Variants in ZNRF2 observed in about 807,000 individuals in gnomAD.
ZNRF2 encodes E3 ubiquitin-protein ligase ZNRF2.
In ZNRF2, 16 loss-of-function variants were observed where a neutral mutation model predicts 20.4. The observed-to-expected ratio is 0.79, with a 90% CI of 0.53 to 1.19. The LOEUF is 1.19. ZNRF2 is among the 50% of genes most tolerant of loss of function. ZNRF2 has a pLI of 0.00. For missense variants in ZNRF2, 363 were observed against 332.4 expected (o/e 1.09, Z -0.72); for synonymous variants, 178 against 144.9 (o/e 1.23, Z -1.64).
intron 2 of ZNRF2, among the ~76,000 whole-genome samples, chr7:30,330,091 A>T (rs1799614668): frequency 6.6e-6 from 1 of 152,186 alleles, no homozygotes; most frequent in South Asian, 2.1e-4. Context: ...ATTATGGTAT[A>T]CTTTATACCA....
At chr7:30,320,729 A>G (rs1449786497) in intron 1 of ZNRF2, among the ~76,000 whole-genome samples, 1 of 152,224 alleles carries the variant, frequency 6.6e-6, no homozygotes, top group Non-Finnish European at 1.5e-5. Context: ...TCAATTTACC[A>G]TCCTAAGTCA....
rs766041813 is a variant in ZNRF2 at position 30,322,563 on chromosome 7, C to T, written c.470-1079C>T. On this transcript the variant is annotated intron_variant, in intron 1 of 4. Transcript: ENST00000323037. Reference sequence around the variant, plus strand: ...TCGTAAGTTCAGCTTACACCTGAGCCGTCATGGACACCACTGTCTCTCTTT... The same window carrying T: ...TCGTAAGTTCAGCTTACACCTGAGCTGTCATGGACACCACTGTCTCTCTTT... Among the ~76,000 whole-genome samples the T allele has an allele frequency of 4.7e-4, 71 of 152,226 alleles. No individual in the cohort carries two copies. In the Middle Eastern group the frequency reaches 0.017, roughly 36 times the overall value.
intron 1 of ZNRF2, among the ~76,000 whole-genome samples, chr7:30,308,671 A>G (rs1383877913): frequency 6.6e-6 from 1 of 152,102 alleles, no homozygotes; most frequent in Non-Finnish European, 1.5e-5. Context: ...AGTGTTTTCC[A>G]CTGTGGTTAT....
At chr7:30,301,699 TTAAAAAAAAAAA>T in intron 1 of ZNRF2, among the ~76,000 whole-genome samples, 1 of 126,366 alleles carries the variant, frequency 7.9e-6, no homozygotes, top group East Asian at 2.1e-4. Flanking sequence ...GAGGCTTTTT[TTAAAAAAAAAAA>T]AAAAAAAAAA....
intron 1 of ZNRF2, among the ~76,000 whole-genome samples, chr7:30,304,472 T>C (rs1799169558): frequency 6.6e-6 from 1 of 152,160 alleles, no homozygotes; most frequent in South Asian, 2.1e-4. Context: ...GTAAATGATA[T>C]TAGTGTAAAT....
intron 1 of ZNRF2, among the ~76,000 whole-genome samples, chr7:30,320,009 T>C (rs1799442227): frequency 6.6e-6 from 1 of 152,196 alleles, no homozygotes. Context: ...TTAAATAGAA[T>C]CGTGCATGTG....
chr7:30,312,496 G>A (rs1799306453), intron 1 of ZNRF2, among the ~76,000 whole-genome samples: 1 of 152,114 alleles, frequency 6.6e-6, no homozygotes, highest in Admixed American at 6.6e-5. Context: ...GGAGAAAATT[G>A]TGAAGACAGA....
chr7:30,303,365 T>A (rs1168695257), intron 1 of ZNRF2, among the ~76,000 whole-genome samples: 1 of 152,212 alleles, frequency 6.6e-6, no homozygotes, highest in African/African-American at 2.4e-5. Flanking sequence ...TTTAAAATCA[T>A]TAATTTTTTA....
At chr7:30,307,325 T>TG (rs1799223221) in intron 1 of ZNRF2, among the ~76,000 whole-genome samples, 3 of 130,514 alleles carry the variant, frequency 2.3e-5, no homozygotes, top group East Asian at 2.1e-4. Context: ...TGTTTTTTTT[T>TG]GTTTTTTTTT....
intron 1 of ZNRF2, among the ~76,000 whole-genome samples, chr7:30,314,061 T>A (rs1799329002): frequency 6.6e-6 from 1 of 152,194 alleles, no homozygotes; most frequent in South Asian, 2.1e-4. Context: ...TTTCTACCGT[T>A]GTGAATAGTG....
At chr7:30,315,731 G>T (rs920602361) in intron 1 of ZNRF2, among the ~76,000 whole-genome samples, 3 of 104,768 alleles carry the variant, frequency 2.9e-5, no homozygotes, top group Admixed American at 2.3e-4. Flanking sequence ...GTGGGGCGGG[G>T]GGGGGGGGGT....
At chr7:30,323,521 C>T (rs990237729) in intron 1 of ZNRF2, 121 bp from the exon 2 acceptor site, 54 of 557,220 alleles carry the variant, frequency 9.7e-5, no homozygotes, top group African/African-American at 9.6e-4. Flanking sequence ...TGCACATAAA[C>T]AGTGTAATGC....
At chr7:30,331,321 C>T (rs1799632253) in intron 2 of ZNRF2, among the ~76,000 whole-genome samples, 1 of 151,966 alleles carries the variant, frequency 6.6e-6, no homozygotes. Context: ...AAATTATAAA[C>T]AGATGAATAG....
At chr7:30,317,988 C>T (rs1320866175) in intron 1 of ZNRF2, among the ~76,000 whole-genome samples, 3 of 152,080 alleles carry the variant, frequency 2.0e-5, no homozygotes, top group East Asian at 1.9e-4. Flanking sequence ...TGCATTTCTA[C>T]GTAGGGGAGT....
chr7:30,362,698 T>G (rs992177338), intron 4 of ZNRF2, among the ~76,000 whole-genome samples: 6 of 151,850 alleles, frequency 4.0e-5, no homozygotes, highest in Non-Finnish European at 7.4e-5. Context: ...GTGGATCACT[T>G]GAGGCCAAAA....
In ZNRF2 at chr7:30,323,727, A is replaced by T; in HGVS notation, c.555A>T (p.Ile185=). ...HLVMCLTKPR[I]TYNEDVLSKD... ...TAATGTGTTTAACAAAGCCACGAAT[A>T]ACCTATAATGGTAAGTCCAATGGTT... The change falls in exon 2 of 5, where the codon ATA becomes ATT. Residue 185 remains isoleucine, a synonymous_variant. Transcript: ENST00000323037. 1 of 1,584,360 alleles carries T rather than the reference A, an allele frequency of 6.3e-7. No individual in the cohort carries two copies. Among genetic ancestry groups the T allele is most frequent in the East Asian group, 2.3e-5 (1 of 43,770 alleles).
intron 2 of ZNRF2, among the ~76,000 whole-genome samples, chr7:30,331,351 GAC>G (rs1425324482): frequency 1.3e-5 from 2 of 152,100 alleles, no homozygotes; most frequent in African/African-American, 4.8e-5. Context: ...GAAAAAATAA[GAC>G]ACTGTAAATA....
intron 1 of ZNRF2, among the ~76,000 whole-genome samples, chr7:30,319,486 G>C (rs898466047): frequency 6.6e-6 from 1 of 152,182 alleles, no homozygotes; most frequent in African/African-American, 2.4e-5. Context: ...GTATGTAATA[G>C]AAACAGGATT....
intron 2 of ZNRF2, among the ~76,000 whole-genome samples, chr7:30,350,998 G>T (rs1278618945): frequency 5.5e-5 from 8 of 146,736 alleles, no homozygotes; most frequent in African/African-American, 1.8e-4. Context: ...TTGTTGGTTT[G>T]GTTTTTTGTT....
Sources: allele counts gnomAD v4.1 joint callset (sites outside exome capture counted in the v4.1 genomes callset), GRCh38; gene constraint gnomAD v4.1.1; transcripts MANE v1.5; gene names NCBI Gene and HGNC (gene_info 2026-07-23, HGNC 2026-07-21).